The following LRRIQ3 variants were observed in gnomAD, a reference collection of about 807,000 sequenced individuals.
The protein encoded by LRRIQ3 is leucine rich repeats and IQ motif containing 3, also known as leucine-rich repeat and IQ domain-containing protein 3.
Under a neutral mutation model 59.3 loss-of-function variants are expected in LRRIQ3, and 75 were observed. The observed-to-expected ratio is 1.26, with a 90% confidence interval of 1.05 to 1.53. The LOEUF is 1.53. Ranked by LOEUF, LRRIQ3 falls within the 40% of genes most tolerant of loss-of-function variation. The probability of loss-of-function intolerance (pLI) is 0.00; values close to 1 mark genes in which losing one functional copy is unlikely to be tolerated. For synonymous variants in LRRIQ3, 250 were observed against 231.3 expected (o/e 1.08, Z -0.73); for missense variants, 831 against 710.0 (o/e 1.17, Z -1.94).
At chr1:74,080,042 T>A (rs1646256268) in intron 5 of LRRIQ3, among the ~76,000 whole-genome samples, 1 of 151,742 alleles carries the variant, frequency 6.6e-6, no homozygotes, top group Admixed American at 6.6e-5. Context: ...TTGGTGTTTC[T>A]ATCAACTTAT....
intron 4 of LRRIQ3, among the ~76,000 whole-genome samples, chr1:74,120,871 C>T (rs76486004): frequency 0.1 from 15,586 of 151,830 alleles, 1,071 homozygotes; most frequent in Non-Finnish European, 0.15. Flanking sequence ...ACTTATTATC[C>T]CTCGATTCGT....
chr1:74,184,017 C>G (rs963353241), intron 1 of LRRIQ3, among the ~76,000 whole-genome samples: 2 of 151,966 alleles, frequency 1.3e-5, no homozygotes, highest in South Asian at 2.1e-4. Context: ...TAACAACAAA[C>G]AAATGAAACC....
At position 74,198,109 on chromosome 1, in the gene LRRIQ3, A is replaced by G. The variant is rs778748702; in HGVS notation, c.-114T>C. 1 of 1,363,968 alleles carries G rather than the reference A, an allele frequency of 7.3e-7. No individual in the cohort carries two copies. The highest frequency in any genetic ancestry group is 9.7e-7 in the Non-Finnish European group (1 of 1,032,934). The allele number at this position is 1,363,968 out of a possible 1,614,324, so 84.5% of individuals were successfully genotyped here. A position where few individuals can be genotyped will look rare whatever the true frequency, so the allele number is the denominator to read the frequency against. ...TCCTGAGACCGTTGCTAGAGAAACA[A>G]GACAACATCCAAGTTCTCCACATCA... is the stretch of plus-strand genomic sequence containing the variant. On this transcript the variant is annotated 5_prime_UTR_variant, in exon 1 of 8. Coordinates refer to ENST00000354431, the MANE Select transcript of LRRIQ3 (RefSeq NM_001105659.2).
intron 6 of LRRIQ3, among the ~76,000 whole-genome samples, chr1:74,068,522 C>T (rs565571607): frequency 1.7e-4 from 26 of 152,054 alleles, no homozygotes; most frequent in Admixed American, 5.9e-4. Flanking sequence ...TATATGGTAC[C>T]GGTGCTTATA....
chr1:74,193,224 AAAT>A, intron 1 of LRRIQ3, among the ~76,000 whole-genome samples: 1 of 152,322 alleles, frequency 6.6e-6, no homozygotes, highest in South Asian at 2.1e-4. Context: ...TATCAAGTTC[AAAT>A]AATAATATAA....
At chr1:74,096,656 G>GT (rs1197455070) in intron 5 of LRRIQ3, among the ~76,000 whole-genome samples, 1 of 152,068 alleles carries the variant, frequency 6.6e-6, no homozygotes, top group African/African-American at 2.4e-5. Flanking sequence ...TTTCTGCTCT[G>GT]TTTTTTCCCC....
chr1:74,139,648 C>T (rs1467990585), intron 4 of LRRIQ3, among the ~76,000 whole-genome samples: 1 of 151,880 alleles, frequency 6.6e-6, no homozygotes, highest in Admixed American at 6.6e-5. Flanking sequence ...TGCTTAAACA[C>T]TTGTAATGGC....
chr1:74,149,035 T>C (rs991506177), intron 4 of LRRIQ3, among the ~76,000 whole-genome samples: 1 of 5,856 alleles, frequency 1.7e-4, no homozygotes, highest in Non-Finnish European at 0.015. Flanking sequence ...ATTCCTGGAA[T>C]AAATTATATG....
chr1:74,097,492 T>C (rs889537906), intron 5 of LRRIQ3, among the ~76,000 whole-genome samples: 1 of 152,072 alleles, frequency 6.6e-6, no homozygotes, highest in African/African-American at 2.4e-5. Context: ...CAGGATATTA[T>C]CCAGGAGAAC....
chr1:74,173,170 A>C (rs1195379104), intron 3 of LRRIQ3, among the ~76,000 whole-genome samples: 4 of 151,498 alleles, frequency 2.6e-5, no homozygotes, highest in Non-Finnish European at 5.9e-5. Flanking sequence ...GGTAGCGGGC[A>C]CCTATAGTTC....
At chr1:74,065,509 T>C (rs888376550) in intron 6 of LRRIQ3, among the ~76,000 whole-genome samples, 2 of 152,154 alleles carry the variant, frequency 1.3e-5, no homozygotes, top group Non-Finnish European at 2.9e-5. Context: ...GCTGAAGTTA[T>C]ATCAGATATT....
chr1:74,082,416 T>A (rs1380269196), intron 5 of LRRIQ3: 1 of 151,606 alleles, frequency 6.6e-6, no homozygotes, highest in African/African-American at 2.4e-5. Flanking sequence ...TAATTTGCAA[T>A]TCTGAAAAGT....
chr1:74,043,735 T>G (rs1477378357), intron 6 of LRRIQ3, among the ~76,000 whole-genome samples: 1 of 152,124 alleles, frequency 6.6e-6, no homozygotes, highest in Non-Finnish European at 1.5e-5. Context: ...TTAAGTAGGG[T>G]TCTAACAACA....
In LRRIQ3 at chr1:74,133,454, A is replaced by T. The variant is rs567869931; in HGVS notation, c.707+22279T>A. On this transcript the variant is annotated intron_variant, in intron 4 of 7. Coordinates refer to ENST00000354431, the MANE Select transcript of LRRIQ3 (RefSeq NM_001105659.2). ...ACTATTCACAATAGCAAAGACTTGG[A>T]ACCAACCCAAATGTCCAACAATGAT... Among the ~76,000 whole-genome samples, 14 of 152,124 alleles carry T rather than the reference A, an allele frequency of 9.2e-5. No individual in the cohort carries two copies. The South Asian group carries it at 2.7e-3, about 29-fold the overall frequency.
At position 74,109,527 on chromosome 1, in the gene LRRIQ3, TG is replaced by T. The variant is rs375424853; in HGVS notation, c.733del (p.Gln245SerfsTer16). 15 of 1,563,660 alleles carry T rather than the reference TG, an allele frequency of 9.6e-6. No homozygotes were observed. In the Admixed American group the frequency reaches 2.3e-4, roughly 24 times the overall value. ...LSPVFFHKKK[Q>X]QEKIIRGYEA... ...ATATCCTCTAATAATTTTTTCCTGC[TG>T]TTTTTTTTTGTGGAAAAACACAGGG... is the stretch of plus-strand genomic sequence containing the variant. On this transcript the variant is annotated frameshift_variant, in exon 5 of 8. Coordinates refer to ENST00000354431, the MANE Select transcript of LRRIQ3 (RefSeq NM_001105659.2). LOFTEE classifies it high-confidence loss of function.
At chr1:74,065,458 T>C (rs939479032) in intron 6 of LRRIQ3, among the ~76,000 whole-genome samples, 1 of 150,146 alleles carries the variant, frequency 6.7e-6, no homozygotes, top group Non-Finnish European at 1.5e-5. Flanking sequence ...CAGAGTAAAA[T>C]AATAGGTTTT....
At chr1:74,165,103 A>C (rs1355676571) in intron 3 of LRRIQ3, among the ~76,000 whole-genome samples, 1 of 151,264 alleles carries the variant, frequency 6.6e-6, no homozygotes, top group South Asian at 2.1e-4. Context: ...GATGCATCCC[A>C]CTTTTTTCTT....
At chr1:74,078,223 A>G (rs1646230992) in intron 5 of LRRIQ3, among the ~76,000 whole-genome samples, 2 of 151,854 alleles carry the variant, frequency 1.3e-5, no homozygotes, top group Non-Finnish European at 2.9e-5. Flanking sequence ...AAGACTGAAG[A>G]TTAATAAAAT....
At chr1:74,111,929 G>T (rs1201855955) in intron 4 of LRRIQ3, among the ~76,000 whole-genome samples, 3 of 152,070 alleles carry the variant, frequency 2.0e-5, no homozygotes, top group African/African-American at 7.2e-5. Flanking sequence ...GAGATATTAT[G>T]TCAGGAAAGA....
Sources: allele counts gnomAD v4.1 joint callset (sites outside exome capture counted in the v4.1 genomes callset), GRCh38; gene constraint gnomAD v4.1.1; transcripts MANE v1.5; gene names NCBI Gene and HGNC (gene_info 2026-07-23, HGNC 2026-07-21).